The following CHST11 variants were observed in gnomAD, a reference collection of about 807,000 sequenced individuals.
CHST11 encodes the protein carbohydrate sulfotransferase 11.
In CHST11, 9 loss-of-function variants were observed where a neutral mutation model predicts 30.4. The ratio of observed to expected loss-of-function variants is 0.30; its 90% CI spans 0.18 to 0.52. CHST11 has a LOEUF of 0.52. Among genes scored for constraint, CHST11 ranks in the 20% least tolerant of loss-of-function variants. CHST11 has a pLI of 0.97. For missense variants in CHST11, 348 were observed against 460.6 expected (o/e 0.76, Z 2.24); for synonymous variants, 152 against 187.8 (o/e 0.81, Z 1.56).
chr12:104,536,941 T>C (rs2038243147), intron 1 of CHST11, among the ~76,000 whole-genome samples: 1 of 152,214 alleles, frequency 6.6e-6, no homozygotes, highest in South Asian at 2.1e-4. Context: ...CCTTGATCTC[T>C]GAAAAATTCA....
At chr12:104,598,199 TC>T (rs1409747941) in intron 1 of CHST11, among the ~76,000 whole-genome samples, 1 of 152,200 alleles carries the variant, frequency 6.6e-6, no homozygotes. Flanking sequence ...TTCCTTTGCA[TC>T]CCAGGCAACA....
At chr12:104,488,168 G>C (rs2037701831) in intron 1 of CHST11, among the ~76,000 whole-genome samples, 1 of 151,938 alleles carries the variant, frequency 6.6e-6, no homozygotes, top group Admixed American at 6.6e-5. Flanking sequence ...AAGCTAGCTT[G>C]TTAGGGGCCC....
intron 1 of CHST11, chr12:104,514,422 A>C: frequency 1.1e-6 from 1 of 915,146 alleles, no homozygotes; most frequent in Admixed American, 1.7e-5. Flanking sequence ...TGCCTTCCTC[A>C]TCCTCTTCAC....
intron 1 of CHST11, among the ~76,000 whole-genome samples, chr12:104,512,729 TG>T (rs2037977761): frequency 6.6e-6 from 1 of 152,170 alleles, no homozygotes; most frequent in South Asian, 2.1e-4. Context: ...TCAGGCTAGA[TG>T]GTAGGACCAG....
chr12:104,567,582 G>C (rs1366064145), intron 1 of CHST11, among the ~76,000 whole-genome samples: 1 of 151,958 alleles, frequency 6.6e-6, no homozygotes, highest in South Asian at 2.1e-4. Context: ...ACTTAATTCT[G>C]TCCCCAGTGA....
At chr12:104,505,342 A>G (rs1665327063) in intron 1 of CHST11, among the ~76,000 whole-genome samples, 1 of 151,984 alleles carries the variant, frequency 6.6e-6, no homozygotes, top group Non-Finnish European at 1.5e-5. Context: ...ACACCCCCCC[A>G]GCAGAGAGCT....
At chr12:104,616,519 G>T (rs1215256259) in intron 2 of CHST11, among the ~76,000 whole-genome samples, 1 of 150,762 alleles carries the variant, frequency 6.6e-6, no homozygotes, top group African/African-American at 2.5e-5. Context: ...AGTCTGGAGT[G>T]CAGTGGCGCA....
At chr12:104,523,893 A>G (rs775110833) in intron 1 of CHST11, among the ~76,000 whole-genome samples, 39 of 152,148 alleles carry the variant, frequency 2.6e-4, no homozygotes, top group Non-Finnish European at 4.1e-4. Context: ...GGAATTTCAC[A>G]TGGGTTTCAC....
At chr12:104,552,949 C>T (rs2038419199) in intron 1 of CHST11, 1 of 152,196 alleles carries the variant, frequency 6.6e-6, no homozygotes, top group Non-Finnish European at 1.5e-5. Context: ...AAGGGTCCCA[C>T]TGACTAGAAT....
At chr12:104,743,906 A>G (rs1370164681) in intron 2 of CHST11, among the ~76,000 whole-genome samples, 1 of 150,574 alleles carries the variant, frequency 6.6e-6, no homozygotes, top group Non-Finnish European at 1.5e-5. Context: ...TATGGCCTCC[A>G]GCTCCATCCA....
chr12:104,546,833 C>G (rs548273336), intron 1 of CHST11, among the ~76,000 whole-genome samples: 1 of 152,300 alleles, frequency 6.6e-6, no homozygotes, highest in South Asian at 2.1e-4. Flanking sequence ...TACCCTTGGG[C>G]GGTTGGTACA....
chr12:104,678,130 C>G (rs2039760162), intron 2 of CHST11, among the ~76,000 whole-genome samples: 1 of 152,224 alleles, frequency 6.6e-6, no homozygotes, highest in South Asian at 2.1e-4. Flanking sequence ...TGGTGTCTCT[C>G]TCATCACCTC....
At chr12:104,462,082 A>T (rs2037412961) in intron 1 of CHST11, among the ~76,000 whole-genome samples, 1 of 150,204 alleles carries the variant, frequency 6.7e-6, no homozygotes, top group Non-Finnish European at 1.5e-5. Flanking sequence ...CAGCAGAATC[A>T]CTTGAACCAG....
chr12:104,622,938 C>T (rs2039174575), intron 2 of CHST11, among the ~76,000 whole-genome samples: 1 of 152,220 alleles, frequency 6.6e-6, no homozygotes, highest in South Asian at 2.1e-4. Flanking sequence ...AGCCAAAGCA[C>T]CCCCAAAGCC....
At chr12:104,617,910 CT>C (rs112111398) in intron 2 of CHST11, among the ~76,000 whole-genome samples, 104 of 146,304 alleles carry the variant, frequency 7.1e-4, no homozygotes, top group East Asian at 5.9e-4. Flanking sequence ...TTCCTTTTTC[CT>C]TTTTTTTTTT....
chr12:104,757,719 G>C lies in CHST11; in HGVS notation c.975G>C (p.Glu325Asp), dbSNP rs529714210. 10 of 1,614,136 alleles carry C rather than the reference G, an allele frequency of 6.2e-6. No homozygotes were observed. The highest frequency in any genetic ancestry group is 8.5e-6 in the Non-Finnish European group (10 of 1,180,028). Reference sequence around the variant, plus strand: ...AATTCTTCCAGAACATCAGCTCAGAGCACCAAACGCAGCTGTACGAAGTCT... The same window carrying C: ...AATTCTTCCAGAACATCAGCTCAGACCACCAAACGCAGCTGTACGAAGTCT... The part of the protein sequence containing the change: ...TTEFFQNISS[E>D]HQTQLYEVYK... Residue 325 changes from glutamate to aspartate, a missense_variant, in exon 3 of 3, where the codon GAG becomes GAC. Glu to Asp is a conservative substitution (Grantham distance 45). Coordinates refer to ENST00000303694, the MANE Select transcript of CHST11 (RefSeq NM_018413.6). The surrounding 1 kb of genome is among the most constrained non-coding windows in gnomAD (Gnocchi z 6.5).
intron 2 of CHST11, among the ~76,000 whole-genome samples, chr12:104,654,969 C>G (rs1352280614): frequency 6.6e-6 from 1 of 152,222 alleles, no homozygotes; most frequent in Non-Finnish European, 1.5e-5. Flanking sequence ...GGTCCTGTGT[C>G]TGGCACTTAA....
At chr12:104,748,780 A>G (rs2136144000) in intron 2 of CHST11, among the ~76,000 whole-genome samples, 1 of 152,236 alleles carries the variant, frequency 6.6e-6, no homozygotes, top group Non-Finnish European at 1.5e-5. Context: ...GGCGGCCCAA[A>G]CACTTTGGGG....
chr12:104,677,462 A>C (rs142122690), intron 2 of CHST11, among the ~76,000 whole-genome samples: 49 of 152,338 alleles, frequency 3.2e-4, no homozygotes, highest in African/African-American at 1.2e-3. Flanking sequence ...GCTGCAGATC[A>C]AGGCAGTCTT....
Sources: allele counts gnomAD v4.1 joint callset (sites outside exome capture counted in the v4.1 genomes callset), GRCh38; gene constraint gnomAD v4.1.1; non-coding constraint Gnocchi (gnomAD v3.1); transcripts MANE v1.5; gene names NCBI Gene and HGNC (gene_info 2026-07-23, HGNC 2026-07-21).